VTA1: variants seen among roughly 807,000 people sequenced by gnomAD.
VTA1 encodes the protein vesicle trafficking 1, also known as vacuolar protein sorting-associated protein VTA1 homolog.
Under a neutral mutation model 36.9 loss-of-function variants are expected in VTA1, and 24 were observed. The ratio of observed to expected loss-of-function variants is 0.65; its 90% CI spans 0.47 to 0.91. The LOEUF (loss-of-function observed/expected upper bound fraction) is 0.91, where lower values mean the gene tolerates loss of function less well. Among genes scored for constraint, VTA1 ranks in the 40% least tolerant of loss-of-function variants. The pLI is 0.00. For synonymous variants in VTA1, 142 were observed against 130.2 expected (o/e 1.09, Z -0.62); for missense variants, 393 against 377.2 (o/e 1.04, Z -0.35).
chr6:142,181,895 A>G (rs1259403361), intron 4 of VTA1, among the ~76,000 whole-genome samples: 1 of 152,222 alleles, frequency 6.6e-6, no homozygotes, highest in East Asian at 1.9e-4. Context: ...AATGAATATC[A>G]GGAAATACAT....
intron 4 of VTA1, among the ~76,000 whole-genome samples, chr6:142,186,615 C>G (rs1024432042): frequency 2.0e-5 from 3 of 151,934 alleles, no homozygotes; most frequent in Non-Finnish European, 2.9e-5. Context: ...TGACTCCTCC[C>G]ATTTACTTGA....
At chr6:142,194,908 T>C (rs1775517844) in intron 5 of VTA1, among the ~76,000 whole-genome samples, 1 of 152,138 alleles carries the variant, frequency 6.6e-6, no homozygotes, top group South Asian at 2.1e-4. Context: ...AAAATTATCA[T>C]AGGACTTTTT....
At chr6:142,172,133 C>T (rs1040662570) in intron 4 of VTA1, among the ~76,000 whole-genome samples, 4 of 152,164 alleles carry the variant, frequency 2.6e-5, no homozygotes, top group African/African-American at 4.8e-5. Context: ...GCCTCAGCCT[C>T]CCAAGTAGCT....
Position 142,166,247 on chromosome 6 carries a change from G to A in VTA1, c.132G>A (p.Gln44=). ...TTCTAGGTCGTTTATACGCAATGCA[G>A]ACTGGAATGAAGATCGATAGTAAAA... ...VAYYCRLYAM[Q]TGMKIDSKTP... Residue 44 remains glutamine (Q), a synonymous_variant, in exon 2 of 8, where the codon CAG becomes CAA. Coordinates refer to ENST00000367630, the MANE Select transcript of VTA1 (RefSeq NM_016485.5). The A allele has an allele frequency of 6.2e-7, 1 of 1,611,182 alleles. No individual in the cohort carries two copies. The highest frequency in any genetic ancestry group is 1.1e-5 in the South Asian group (1 of 90,548).
At chr6:142,204,265 A>G (rs570886862) in intron 7 of VTA1, among the ~76,000 whole-genome samples, 200 bp downstream of exon 7, 1 of 152,300 alleles carries the variant, frequency 6.6e-6, no homozygotes, top group South Asian at 2.1e-4. Context: ...TAAAAATACC[A>G]ACATCCAAAG....
intron 7 of VTA1, among the ~76,000 whole-genome samples, chr6:142,206,136 A>G (rs1718871212): frequency 6.6e-6 from 1 of 152,196 alleles, no homozygotes; most frequent in South Asian, 2.1e-4. Flanking sequence ...TTGTTCATAG[A>G]TGACATGATG....
intron 4 of VTA1, among the ~76,000 whole-genome samples, chr6:142,187,560 A>G (rs1276930981): frequency 6.6e-6 from 1 of 152,110 alleles, no homozygotes; most frequent in Non-Finnish European, 1.5e-5. Context: ...GAAAAGAAAT[A>G]TACCCTCCCC....
rs1315597189 is a variant in VTA1 at position 142,198,107 on chromosome 6, ATATAT to A, written c.521-331_521-327del. Among the ~76,000 whole-genome samples the A allele has an allele frequency of 8.3e-4, 105 of 126,176 alleles. 4 individuals are homozygous for A. Among genetic ancestry groups the A allele is most frequent in the Admixed American group, 1.6e-3 (21 of 13,056 alleles). 82.8% of individuals were successfully genotyped at this position (126,176 alleles called of 152,430 possible). A position where few individuals can be genotyped will look rare whatever the true frequency, so the allele number is the denominator to read the frequency against. On this transcript the variant is annotated intron_variant, in intron 5 of 7. Transcript: ENST00000367630. ...GTGAGACTCCGTCTCAAAAAAAAAT[ATATAT>A]ATATATATGTGTGTGTGTGTGTGTG...
intron 7 of VTA1, among the ~76,000 whole-genome samples, chr6:142,214,125 A>G (rs560935159): frequency 2.0e-5 from 3 of 152,322 alleles, no homozygotes; most frequent in African/African-American, 7.2e-5. Flanking sequence ...TTTTAGAAAC[A>G]GTCAGGTCAA....
chr6:142,173,630 A>G (rs943225958), intron 4 of VTA1, among the ~76,000 whole-genome samples: 9 of 152,252 alleles, frequency 5.9e-5, no homozygotes, highest in African/African-American at 1.7e-4. Context: ...AGGTAAAGTA[A>G]TAGTCATAGG....
At chr6:142,192,466 C>T (rs1326244024) in intron 5 of VTA1, among the ~76,000 whole-genome samples, 2 of 152,018 alleles carry the variant, frequency 1.3e-5, no homozygotes, top group Admixed American at 1.3e-4. Context: ...AAAAAAAGAA[C>T]AGTAGATCAT....
chr6:142,173,765 T>A (rs917213133), intron 4 of VTA1, among the ~76,000 whole-genome samples: 1 of 152,200 alleles, frequency 6.6e-6, no homozygotes, highest in African/African-American at 2.4e-5. Flanking sequence ...TAATCTAGGT[T>A]TACTTTTAGC....
chr6:142,190,795 A>G (rs1399734042), intron 5 of VTA1, among the ~76,000 whole-genome samples: 1 of 152,218 alleles, frequency 6.6e-6, no homozygotes, highest in African/African-American at 2.4e-5. Flanking sequence ...TCTTTGTTGC[A>G]GCTGTTTAGC....
chr6:142,170,492 G>T (rs1469068449), intron 4 of VTA1, 71 bp downstream of exon 4: 1 of 1,081,584 alleles, frequency 9.2e-7, no homozygotes, highest in African/African-American at 1.6e-5. Context: ...TATTGTTATT[G>T]CATTGTTTAT....
At chr6:142,156,234 G>A (rs569168811) in intron 1 of VTA1, among the ~76,000 whole-genome samples, 3 of 152,170 alleles carry the variant, frequency 2.0e-5, no homozygotes, top group Non-Finnish European at 2.9e-5. Flanking sequence ...TAAAAAAAAC[G>A]GTTGAATGAA....
chr6:142,153,465 T>C lies in VTA1; in HGVS notation c.112+6066T>C, dbSNP rs575255781. The stretch of plus-strand genomic sequence containing the variant: ...TTAGATTGAGTCATAGGTCATATTA[T>C]CATATGATTTACACCTTGTGCCCTA... On this transcript the variant is annotated intron_variant, in intron 1 of 7. Coordinates refer to ENST00000367630, the MANE Select transcript of VTA1 (RefSeq NM_016485.5). Among the ~76,000 whole-genome samples, 11 of 152,144 alleles carry C rather than the reference T, an allele frequency of 7.2e-5. No homozygotes were observed. In the South Asian group the frequency reaches 2.3e-3, roughly 32 times the overall value.
chr6:142,218,135 A>T (rs570977363), intron 7 of VTA1, among the ~76,000 whole-genome samples: 1 of 152,184 alleles, frequency 6.6e-6, no homozygotes, highest in African/African-American at 2.4e-5. Context: ...TGATACTTAC[A>T]TTCCAGCTCA....
At chr6:142,160,530 C>T (rs1347756002) in intron 1 of VTA1, among the ~76,000 whole-genome samples, 2 of 152,030 alleles carry the variant, frequency 1.3e-5, no homozygotes, top group Non-Finnish European at 2.9e-5. Flanking sequence ...CCTCAGTCTC[C>T]CTGAATTCAC....
At chr6:142,176,311 A>G (rs1052512107) in intron 4 of VTA1, among the ~76,000 whole-genome samples, 25 of 152,300 alleles carry the variant, frequency 1.6e-4, no homozygotes, top group African/African-American at 4.3e-4. Flanking sequence ...AGTTTTTGCT[A>G]TTTGAGGGAA....
Sources: allele counts gnomAD v4.1 joint callset (sites outside exome capture counted in the v4.1 genomes callset), GRCh38; gene constraint gnomAD v4.1.1; transcripts MANE v1.5; gene names NCBI Gene and HGNC (gene_info 2026-07-23, HGNC 2026-07-21).